Variants in DMKN observed in about 807,000 individuals in gnomAD.
The protein encoded by DMKN is epidermis-specific secreted protein SK30/SK89.
DMKN carries 58 observed loss-of-function variants against 67.6 expected under a neutral mutation model. The observed-to-expected ratio is 0.86, with a 90% CI of 0.69 to 1.07. The LOEUF (loss-of-function observed/expected upper bound fraction) is 1.07, where lower values mean the gene tolerates loss of function less well. DMKN is among the 50% of genes least tolerant of loss of function. DMKN has a pLI of 0.00. For missense variants in DMKN, 596 were observed against 601.5 expected (o/e 0.99, Z 0.10); for synonymous variants, 240 against 232.3 (o/e 1.03, Z -0.30).
intron 8 of DMKN, 49 bp downstream of exon 8, chr19:35,505,890 G>T: frequency 6.2e-7 from 1 of 1,614,054 alleles, no homozygotes; most frequent in Non-Finnish European, 8.5e-7. Context: ...CCAAGGGCAG[G>T]GGTTGGTTTT....
chr19:35,499,054 T>C lies in DMKN; in HGVS notation c.1360-157A>G, dbSNP rs1029697201. 317 of 1,051,466 alleles carry C rather than the reference T, an allele frequency of 3.0e-4. 1 individual carries two copies. Among genetic ancestry groups the C allele is most frequent in the Middle Eastern group, 1.1e-3 (5 of 4,550 alleles). 65.1% of individuals were successfully genotyped at this position (1,051,466 alleles called of 1,614,324 possible). ...GACTGTGGACATTCAGGCTGTGGAG[T>C]TGGTTTCACAGCACGTTTATCATCC... On this transcript the variant is annotated intron_variant, in intron 13 of 15. Coordinates refer to ENST00000339686, the MANE Select transcript of DMKN (RefSeq NM_033317.5).
intron 7 of DMKN, chr19:35,508,166 C>T: frequency 6.4e-7 from 1 of 1,551,614 alleles, no homozygotes; most frequent in Non-Finnish European, 8.7e-7. Flanking sequence ...CCACTTACTA[C>T]CGGCACAGTC....
At position 35,505,984 on chromosome 19, in the gene DMKN, G is replaced by A. The variant is rs1434902955; in HGVS notation, c.1041C>T (p.Asn347=). ...TAAACATCCCAGGAGACGTCTCAGAGTTCTATGGAACCAAGGAGATATGGG... is the reference window on the plus strand; with the variant it reads ...TAAACATCCCAGGAGACGTCTCAGAATTCTATGGAACCAAGGAGATATGGG... ...ARGSGESGIQ[N]SETSPGMFNF... The change falls in exon 8 of 16, where the codon AAC becomes AAT. Residue 347 remains asparagine (N), a splice_region_variant and synonymous_variant. Transcript: ENST00000339686. The A allele has an allele frequency of 4.3e-6, 7 of 1,614,066 alleles. No homozygotes were observed. Among genetic ancestry groups the A allele is most frequent in the Non-Finnish European group, 5.9e-6 (7 of 1,180,048 alleles).
At chr19:35,503,394 C>A in intron 9 of DMKN, 1 of 1,551,342 alleles carries the variant, frequency 6.4e-7, no homozygotes, top group Non-Finnish European at 8.7e-7. Context: ...GGGCTCCCAT[C>A]CAATCTGGTG....
In DMKN at chr19:35,511,491, CGCCACTGCTGCT is replaced by C. The variant is rs770768487; in HGVS notation, c.826_837del (p.Ser276_Gly279del). 15,977 of 1,127,922 alleles carry C rather than the reference CGCCACTGCTGCT, an allele frequency of 0.014. 138 individuals carry two copies. Among genetic ancestry groups the C allele is most frequent in the East Asian group, 0.089 (2,017 of 22,668 alleles). The allele number at this position is 1,127,922 out of a possible 1,614,324, so 69.9% of individuals were successfully genotyped here. A position where few individuals can be genotyped will look rare whatever the true frequency, so the allele number is the denominator to read the frequency against. ...CCACCACTGCTGCCGCCACTGCTGC[CGCCACTGCTGCT>C]GCCACTGCTGCTGCCACCACTGCTG... is the stretch of plus-strand genomic sequence containing the variant. On this transcript the variant is annotated inframe_deletion, in exon 5 of 16. Coordinates refer to ENST00000339686, the MANE Select transcript of DMKN (RefSeq NM_033317.5).
At chr19:35,503,173 G>C (rs2068720115) in intron 9 of DMKN, 1 of 1,319,066 alleles carries the variant, frequency 7.6e-7, no homozygotes, top group Non-Finnish European at 1.0e-6. Context: ...ACTAGGACCT[G>C]CCTCAGAGTG....
At chr19:35,506,277 C>T (rs1345483635) in intron 7 of DMKN, 20 of 1,324,284 alleles carry the variant, frequency 1.5e-5, no homozygotes, top group Non-Finnish European at 1.9e-5. Flanking sequence ...TTCATCCCCA[C>T]CTCGGTCCAG....
Position 35,511,483 on chromosome 19 carries a change from A to ACTGCTGCCGCCACTGCTGCTGCCACTG in DMKN, c.819_845dup (p.Ser274_Ser282dup), listed in dbSNP as rs1378488527. On this transcript the variant is annotated inframe_insertion, in exon 5 of 16. Transcript: ENST00000339686. ...CACTGCTGCCACCACTGCTGCCGCC[A>ACTGCTGCCGCCACTGCTGCTGCCACTG]CTGCTGCCGCCACTGCTGCTGCCAC... is the stretch of plus-strand genomic sequence containing the variant. 5 of 1,097,846 alleles carry ACTGCTGCCGCCACTGCTGCTGCCACTG rather than the reference A, an allele frequency of 4.6e-6. No homozygotes were observed. The highest frequency in any genetic ancestry group is 5.9e-6 in the Non-Finnish European group (5 of 850,466). 68.0% of individuals were successfully genotyped at this position (1,097,846 alleles called of 1,614,324 possible). A position where few individuals can be genotyped will look rare whatever the true frequency, so the allele number is the denominator to read the frequency against.
chr19:35,506,535 C>A, intron 7 of DMKN: 1 of 491,920 alleles, frequency 2.0e-6, no homozygotes, highest in Non-Finnish European at 4.0e-6. Context: ...TCTCCAGAGT[C>A]TGGACTCCAC....
intron 11 of DMKN, among the ~76,000 whole-genome samples, chr19:35,501,157 G>T (rs896324288): frequency 2.6e-5 from 4 of 152,156 alleles, no homozygotes; most frequent in African/African-American, 4.8e-5. Context: ...TCTAAGCGTT[G>T]AAAAGAAGTT....
intron 7 of DMKN, chr19:35,507,626 A>G (rs923267162): frequency 2.9e-5 from 25 of 859,916 alleles, no homozygotes; most frequent in Non-Finnish European, 4.7e-5. Context: ...CTGAGACATG[A>G]GCATGACAGA....
chr19:35,508,291 AC>A, intron 7 of DMKN: 1 of 1,547,122 alleles, frequency 6.5e-7, no homozygotes, highest in Non-Finnish European at 8.7e-7. Context: ...TCCTGAGGCC[AC>A]CCCCGAAAAT....
In DMKN at chr19:35,510,233, G is replaced by A. The variant is rs1185438892; in HGVS notation, c.938C>T (p.Ser313Phe). Residue 313 changes from serine (S) to phenylalanine (F), a missense_variant, in exon 6 of 16, where the codon TCC becomes TTC. Physicochemically the swap from Ser to Phe is radical, Grantham distance 155. Coordinates refer to ENST00000339686, the MANE Select transcript of DMKN (RefSeq NM_033317.5). ...GCCGCTCCCACCGTGGTTGCCGGAG[G>A]AGGAGCCGGTGCTGGATCCCTGCAG... ...ESSWGSSTGS[S>F]SGNHGGSGGG... 1 of 1,607,514 alleles carries A rather than the reference G, an allele frequency of 6.2e-7. No individual in the cohort carries two copies. Among genetic ancestry groups the A allele is most frequent in the African/African-American group, 1.3e-5 (1 of 74,934 alleles).
intron 3 of DMKN, 76 bp from the exon 4 acceptor site, chr19:35,511,889 G>T: frequency 6.8e-7 from 1 of 1,466,938 alleles, no homozygotes; most frequent in South Asian, 1.3e-5. Context: ...ACACAGGCCA[G>T]GCCTCTCCCA....
At chr19:35,510,040 C>T in intron 6 of DMKN, 79 bp from the exon 7 acceptor site, 1 of 1,595,340 alleles carries the variant, frequency 6.3e-7, no homozygotes. Flanking sequence ...AGCATTTTAA[C>T]CCTGGGGCGA....
intron 9 of DMKN, among the ~76,000 whole-genome samples, chr19:35,504,490 T>C (rs886067490): frequency 6.8e-6 from 1 of 147,814 alleles, no homozygotes; most frequent in Non-Finnish European, 1.5e-5. Flanking sequence ...GGCAGGAGAA[T>C]CATTTTGAAC....
intron 9 of DMKN, among the ~76,000 whole-genome samples, chr19:35,504,778 A>C (rs2069121876): frequency 6.6e-6 from 1 of 151,932 alleles, no homozygotes; most frequent in Admixed American, 6.6e-5. Context: ...CACTGCTCAC[A>C]GGGGCCAGTC....
intron 9 of DMKN, among the ~76,000 whole-genome samples, chr19:35,504,124 T>C (rs2068967792): frequency 2.0e-5 from 3 of 152,108 alleles, no homozygotes; most frequent in Admixed American, 2.0e-4. Context: ...CCTGCCTCAC[T>C]GCGATCACTC....
At chr19:35,500,166 T>G (rs2068109084) in intron 12 of DMKN, 137 bp from the exon 13 acceptor site, 2 of 1,219,268 alleles carry the variant, frequency 1.6e-6, no homozygotes, top group Non-Finnish European at 2.4e-6. Flanking sequence ...TCACGTGTTT[T>G]CTTTTATACA....
Sources: allele counts gnomAD v4.1 joint callset (sites outside exome capture counted in the v4.1 genomes callset), GRCh38; gene constraint gnomAD v4.1.1; transcripts MANE v1.5; gene names NCBI Gene and HGNC (gene_info 2026-07-23, HGNC 2026-07-21).